The following CHTF18 variants were observed in gnomAD, a reference collection of about 807,000 sequenced individuals.
CHTF18 encodes chromosome transmission fidelity factor 18.
A neutral mutation model predicts 113.4 loss-of-function variants in CHTF18; 151 were observed. The ratio of observed to expected loss-of-function variants is 1.33; its 90% confidence interval spans 1.17 to 1.52. The LOEUF (loss-of-function observed/expected upper bound fraction) is 1.52, where lower values mean the gene tolerates loss of function less well. Among genes scored for constraint, CHTF18 ranks in the 40% most tolerant of loss-of-function variants. The pLI is 0.00. For missense variants in CHTF18, 1,982 were observed against 1,381.6 expected (o/e 1.43, Z -6.89); for synonymous variants, 916 against 598.8 (o/e 1.53, Z -7.74).
At chr16:790,478 C>T (rs375725012) in intron 6 of CHTF18, 47 bp from the exon 7 acceptor site, 21 of 1,607,806 alleles carry the variant, frequency 1.3e-5, no homozygotes, top group Middle Eastern at 1.6e-4. Flanking sequence ...TGTGGGTTGG[C>T]ATGGTCCCTG....
intron 4 of CHTF18, 119 bp from the exon 5 acceptor site, chr16:790,058 C>G: frequency 6.5e-7 from 1 of 1,536,862 alleles, no homozygotes; most frequent in Non-Finnish European, 8.7e-7. Context: ...CAGTCTCCCA[C>G]CCCTCACTGG....
chr16:792,337 G>A lies in CHTF18; in HGVS notation c.1316G>A (p.Gly439Glu). ...TGCCTGGTCATCGATGAGATCGACG[G>A]GGCCCCCGTGGTGGGCTCCTTGATG... ...PNCLVIDEIDGAPVAAINVLL... is the reference protein window; with the variant it reads ...PNCLVIDEIDEAPVAAINVLL... The change falls in exon 10 of 22, where the codon GGG (glycine) becomes GAG (glutamate). Residue 439 changes from glycine (G) to glutamate (E), a missense_variant. Gly to Glu is a moderately conservative substitution (Grantham distance 98, BLOSUM62 -2). Transcript: ENST00000262315. The A allele has an allele frequency of 1.3e-6, 2 of 1,553,784 alleles. No homozygotes were observed. The highest frequency in any genetic ancestry group is 1.7e-6 in the Non-Finnish European group (2 of 1,149,130).
Position 789,068 on chromosome 16 carries a change from G to A in CHTF18, c.229G>A (p.Gly77Ser). The change falls in exon 2 of 22, where the codon GGC (glycine) becomes AGC (serine). Residue 77 changes from glycine to serine, a missense_variant. Transcript: ENST00000262315. ...PAASVGSSQG[G>S]ARKRQVDADL... ...CGCATCTGTGGGCAGCAGCCAGGGC[G>A]GCGCCAGGAAGAGGCAGGTGGACGC... 1 of 1,536,452 alleles carries A rather than the reference G, an allele frequency of 6.5e-7. No homozygotes were observed. Among genetic ancestry groups the A allele is most frequent in the Non-Finnish European group, 8.8e-7 (1 of 1,140,130 alleles).
In CHTF18 at chr16:793,195, A is replaced by ACACGCGTGGG; in HGVS notation, c.1725_1734dup (p.Leu579ThrfsTer38). 6.2e-7 allele frequency: 1 copy of ACACGCGTGGG among 1,608,230 alleles called. No homozygotes were observed. Among genetic ancestry groups the ACACGCGTGGG allele is most frequent in the Non-Finnish European group, 8.5e-7 (1 of 1,178,564 alleles). ...GCTGAGCGTGCGGGACGTGCAGGCC[A>ACACGCGTGGG]CACGCGTGGGCCTCAAGGACCAGCG... On this transcript the variant is annotated frameshift_variant, in exon 14 of 22. Coordinates refer to ENST00000262315, the MANE Select transcript of CHTF18 (RefSeq NM_022092.3). LOFTEE classifies it high-confidence loss of function.
Position 792,658 on chromosome 16 carries a change from C to G in CHTF18, c.1479-60C>G, listed in dbSNP as rs983412297. The G allele has an allele frequency of 1.9e-6, 3 of 1,589,868 alleles. No individual in the cohort carries two copies. In the South Asian group the frequency reaches 3.3e-5, roughly 18 times the overall value. On this transcript the variant is annotated intron_variant, in intron 11 of 21. Coordinates refer to ENST00000262315, the MANE Select transcript of CHTF18 (RefSeq NM_022092.3). ...GCCTGGAGGGAGGGTTCCGGCCCGTCCCTGTGTCCTGGGCTGTGGTGCCAA... is the reference window on the plus strand; with the variant it reads ...GCCTGGAGGGAGGGTTCCGGCCCGTGCCTGTGTCCTGGGCTGTGGTGCCAA...
rs199742669 is a variant in CHTF18 at position 791,258 on chromosome 16, C to T, written c.992C>T (p.Pro331Leu). Residue 331 changes from proline to leucine, a missense_variant, in exon 8 of 22, where the codon CCG becomes CTG. By Grantham distance (98) the Pro-to-Leu change is moderately conservative. Transcript: ENST00000262315. ...CGGAAGCCCAGGCCCAGTGTTGAGCCGGCCCGGGTCAGCAAGGAGGCCACA... is the reference window on the plus strand; with the variant it reads ...CGGAAGCCCAGGCCCAGTGTTGAGCTGGCCCGGGTCAGCAAGGAGGCCACA... ...PSRKPRPSVE[P>L]ARVSKEATAP... The T allele has an allele frequency of 1.8e-5, 29 of 1,610,416 alleles. No individual in the cohort carries two copies. Among genetic ancestry groups the T allele is most frequent in the Middle Eastern group, 1.7e-4 (1 of 6,034 alleles).
chr16:791,314 G>C lies in CHTF18; in HGVS notation c.1048G>C (p.Val350Leu). The change falls in exon 8 of 22, where the codon GTG becomes CTG. Residue 350 changes from valine to leucine, a missense_variant. Val to Leu is a conservative substitution (Grantham distance 32). Transcript: ENST00000262315. ...AGGCAAGTGGAAGAGCCACGAACAG[G>C]TGCTGGAGGAGATGCTGGAGGCTGG... ...APGKWKSHEQ[V>L]LEEMLEAGLD... The C allele has an allele frequency of 6.2e-7, 1 of 1,610,454 alleles. No individual in the cohort carries two copies. The highest frequency in any genetic ancestry group is 8.5e-7 in the Non-Finnish European group (1 of 1,179,582).
intron 20 of CHTF18, 27 bp from the exon 21 acceptor site, chr16:797,667 C>G: frequency 6.2e-7 from 1 of 1,610,512 alleles, no homozygotes; most frequent in Non-Finnish European, 8.5e-7. Context: ...CTGTCCTATA[C>G]GACTGACTAG....
intron 14 of CHTF18, chr16:793,508 C>T: frequency 1.6e-6 from 1 of 611,232 alleles, no homozygotes; most frequent in Non-Finnish European, 2.9e-6. Flanking sequence ...AAGGACACCC[C>T]CAGTGTGGTG....
At chr16:789,456 G>C in intron 3 of CHTF18, 91 bp from the exon 4 acceptor site, 1 of 1,535,908 alleles carries the variant, frequency 6.5e-7, no homozygotes, top group East Asian at 2.3e-5. Context: ...GGGGTGGGGA[G>C]GGTTCCATGG....
rs2042278823 is a variant in CHTF18, at chr16:794,263, CT to C, written c.1950+63del. 3 of 1,564,590 alleles carry C rather than the reference CT, an allele frequency of 1.9e-6. No individual in the cohort carries two copies. In the East Asian group the frequency reaches 6.8e-5, roughly 36 times the overall value. On this transcript the variant is annotated intron_variant, in intron 15 of 21. Coordinates refer to ENST00000262315, the MANE Select transcript of CHTF18 (RefSeq NM_022092.3). ...CCTGGCTAGGACCTGGGCTGTGCCC[CT>C]GCCCCTGCCGGTCCTCCCGTATGGA...
intron 7 of CHTF18, 48 bp downstream of exon 7, chr16:790,714 A>C: frequency 1.3e-6 from 2 of 1,482,772 alleles, no homozygotes; most frequent in Non-Finnish European, 1.8e-6. Flanking sequence ...TCTGTTCCCA[A>C]GATGGAAGAA....
intron 15 of CHTF18, 191 bp from the exon 16 acceptor site, chr16:794,941 A>C (rs2042296666): frequency 8.8e-6 from 5 of 566,756 alleles, no homozygotes; most frequent in Non-Finnish European, 9.4e-6. Flanking sequence ...CCTTGGGCCC[A>C]GTGACCCCTT....
chr16:794,304 G>T (rs2042280094), intron 15 of CHTF18, 103 bp downstream of exon 15: 2 of 1,383,530 alleles, frequency 1.4e-6, no homozygotes, highest in South Asian at 1.4e-5. Flanking sequence ...GAGGCGCTTT[G>T]GGGGTGCTGA....
rs776962907 is a variant in CHTF18, at chr16:796,030, C to T, written c.2409C>T (p.Tyr803=). 116 of 1,605,760 alleles carry T rather than the reference C, an allele frequency of 7.2e-5. No homozygotes were observed. Among genetic ancestry groups the T allele is most frequent in the Non-Finnish European group, 9.3e-5 (109 of 1,176,968 alleles). ...VGTMLAYSLT[Y]RQERTPDGQY... ...CGATGCTCGCTTACAGCCTGACCTA[C>T]CGCCAGGAGCGCACGCCCGATGGCC... Residue 803 remains tyrosine (Y), a synonymous_variant, in exon 18 of 22, where the codon TAC becomes TAT. Transcript: ENST00000262315.
At position 793,260 on chromosome 16, in the gene CHTF18, G is replaced by A. The variant is rs368463187; in HGVS notation, c.1788G>A (p.Leu596=). 1 of 1,607,164 alleles carries A rather than the reference G, an allele frequency of 6.2e-7. No homozygotes were observed. Among genetic ancestry groups the A allele is most frequent in the African/African-American group, 1.3e-5 (1 of 74,802 alleles). The part of the protein sequence containing the change: ...LFSVWQEVFQ[L]PRAQRRRVGQ... The stretch of plus-strand genomic sequence containing the variant: ...CGGTGTGGCAGGAGGTCTTCCAGCT[G>A]CCTCGAGCCCAGAGGTAGGCGGTGG... Residue 596 remains leucine (L), a synonymous_variant, in exon 14 of 22, where the codon CTG becomes CTA. Transcript: ENST00000262315.
rs1479354167 is a variant in CHTF18, at chr16:798,015, A to G, written c.*40A>G. ...GACATGCCCTCGCATTGCTTCCCGCAGAGTGCAGAGACAGGAAGCTGGAGA... is the reference window on the plus strand; with the variant it reads ...GACATGCCCTCGCATTGCTTCCCGCGGAGTGCAGAGACAGGAAGCTGGAGA... On this transcript the variant is annotated 3_prime_UTR_variant, in exon 22 of 22. Coordinates refer to ENST00000262315, the MANE Select transcript of CHTF18 (RefSeq NM_022092.3). 1.3e-5 allele frequency: 21 copies of G among 1,587,968 alleles called. No homozygotes were observed. Among genetic ancestry groups the G allele is most frequent in the Non-Finnish European group, 1.8e-5 (21 of 1,166,524 alleles).
chr16:794,305 G>A (rs967519183), intron 15 of CHTF18, 104 bp downstream of exon 15: 229 of 1,367,958 alleles, frequency 1.7e-4, no homozygotes, highest in Non-Finnish European at 2.2e-4. Context: ...AGGCGCTTTG[G>A]GGGTGCTGAG....
At chr16:793,352 C>A in intron 14 of CHTF18, 78 bp downstream of exon 14, 1 of 1,527,780 alleles carries the variant, frequency 6.5e-7, no homozygotes, top group Non-Finnish European at 8.8e-7. Context: ...TGCAGGCCAG[C>A]ACTACCTTCG....
Sources: allele counts gnomAD v4.1 joint callset, GRCh38; gene constraint gnomAD v4.1.1; transcripts MANE v1.5; gene names NCBI Gene and HGNC (gene_info 2026-07-23, HGNC 2026-07-21).